COL22A1: variants seen among roughly 807,000 people sequenced by gnomAD.
COL22A1 encodes collagen alpha-1(XXII) chain.
Under a neutral mutation model 248.9 loss-of-function variants are expected in COL22A1, and 221 were observed. The observed-to-expected ratio is 0.89, with a 90% CI of 0.80 to 0.99. The LOEUF (loss-of-function observed/expected upper bound fraction) is 0.99. Ranked by LOEUF, COL22A1 falls within the 50% of genes least tolerant of loss-of-function variation. The pLI is 0.00. For synonymous variants in COL22A1, 891 were observed against 793.4 expected (o/e 1.12, Z -2.07); for missense variants, 2,240 against 2,179.0 (o/e 1.03, Z -0.56).
At chr8:138,863,248 C>T (rs938055129) in intron 3 of COL22A1, among the ~76,000 whole-genome samples, 7 of 152,326 alleles carry the variant, frequency 4.6e-5, no homozygotes, top group African/African-American at 1.4e-4. Flanking sequence ...CTTGGACATG[C>T]CTCAGCCCAG....
At chr8:138,913,226 T>C (rs916602326) in intron 1 of COL22A1, among the ~76,000 whole-genome samples, 23 of 151,982 alleles carry the variant, frequency 1.5e-4, no homozygotes, top group African/African-American at 5.6e-4. Flanking sequence ...ACTGCAAACT[T>C]CTTACTTGAA....
chr8:138,650,142 A>G (rs1362912373), intron 45 of COL22A1, among the ~76,000 whole-genome samples: 1 of 152,222 alleles, frequency 6.6e-6, no homozygotes, highest in Non-Finnish European at 1.5e-5. Flanking sequence ...TAATACAAAC[A>G]TTTAGTATTA....
At position 138,862,491 on chromosome 8, in the gene COL22A1, A is replaced by G. The variant is rs190005282; in HGVS notation, c.658+15259T>C. Among the ~76,000 whole-genome samples, 561 of 152,074 alleles carry G rather than the reference A, an allele frequency of 3.7e-3. 1 individual carries two copies. Among genetic ancestry groups the G allele is most frequent in the African/African-American group, 0.013 (543 of 41,482 alleles). On this transcript the variant is annotated intron_variant, in intron 3 of 64. Transcript: ENST00000303045. ...GTGCCCTTTGCCTGGCTGTGTCCTC[A>G]GAAGGGTCCCTTAATTCCCTGACCT... is the stretch of plus-strand genomic sequence containing the variant.
At chr8:138,814,103 C>T (rs1398207274) in intron 7 of COL22A1, among the ~76,000 whole-genome samples, 1 of 152,234 alleles carries the variant, frequency 6.6e-6, no homozygotes, top group Non-Finnish European at 1.5e-5. Flanking sequence ...TGGGACACCC[C>T]ACCTGCCAGG....
chr8:138,667,999 T>TAA lies in COL22A1; in HGVS notation c.3151-4261_3151-4260dup, dbSNP rs78973729. Among the ~76,000 whole-genome samples, 301 of 143,712 alleles carry TAA rather than the reference T, an allele frequency of 2.1e-3. 1 individual carries two copies. Among genetic ancestry groups the TAA allele is most frequent in the African/African-American group, 7.1e-3 (281 of 39,528 alleles). The allele number at this position is 143,712 out of a possible 152,430, so 94.3% of individuals were successfully genotyped here. A position where few individuals can be genotyped will look rare whatever the true frequency, so the allele number is the denominator to read the frequency against. ...CAGATGGTGGAAAATTCTATCAGAC[T>TAA]AAAAAAAAAAAAATTTGAAACATCC... On this transcript the variant is annotated intron_variant, in intron 41 of 64. Transcript: ENST00000303045.
At chr8:138,785,017 G>A (rs376593200) in intron 12 of COL22A1, among the ~76,000 whole-genome samples, 35 of 152,198 alleles carry the variant, frequency 2.3e-4, no homozygotes, top group African/African-American at 8.4e-4. Flanking sequence ...CCCTACCTTC[G>A]GGCACACTGG....
intron 30 of COL22A1, among the ~76,000 whole-genome samples, chr8:138,707,920 G>T (rs371309860): frequency 4.6e-5 from 7 of 152,092 alleles, no homozygotes; most frequent in South Asian, 2.1e-4. Context: ...CTTAAGCTGA[G>T]AAGCAACTTC....
At chr8:138,795,288 C>T (rs1343426407) in intron 12 of COL22A1, among the ~76,000 whole-genome samples, 1 of 152,146 alleles carries the variant, frequency 6.6e-6, no homozygotes, top group Admixed American at 6.5e-5. Context: ...GGTCGTACCA[C>T]TTAAGTTATG....
intron 40 of COL22A1, among the ~76,000 whole-genome samples, chr8:138,679,387 C>T (rs1178908711): frequency 1.3e-5 from 2 of 152,176 alleles, no homozygotes; most frequent in African/African-American, 4.8e-5. Context: ...CCATTGCAAG[C>T]TAAGTCATGT....
intron 56 of COL22A1, among the ~76,000 whole-genome samples, chr8:138,610,934 T>G (rs375036494): frequency 2.5e-4 from 38 of 152,066 alleles, no homozygotes; most frequent in African/African-American, 8.9e-4. Flanking sequence ...GGCATGGTGG[T>G]ATGCACTTGT....
chr8:138,766,993 G>A (rs1833960402), intron 16 of COL22A1, among the ~76,000 whole-genome samples: 1 of 152,160 alleles, frequency 6.6e-6, no homozygotes. Flanking sequence ...GGGGTAGAGG[G>A]GACATGGGTG....
intron 41 of COL22A1, among the ~76,000 whole-genome samples, chr8:138,675,653 A>G (rs766262193): frequency 1.3e-5 from 2 of 152,212 alleles, no homozygotes; most frequent in African/African-American, 4.8e-5. Context: ...AAGGTGCATT[A>G]AGAGGGTATG....
At chr8:138,856,315 G>GC (rs1361711638) in intron 3 of COL22A1, among the ~76,000 whole-genome samples, 1 of 152,202 alleles carries the variant, frequency 6.6e-6, no homozygotes, top group Non-Finnish European at 1.5e-5. Flanking sequence ...AGGTACATGT[G>GC]CCCCTGTGTG....
chr8:138,664,382 T>C (rs1824312030), intron 41 of COL22A1, among the ~76,000 whole-genome samples: 1 of 152,082 alleles, frequency 6.6e-6, no homozygotes, highest in African/African-American at 2.4e-5. Flanking sequence ...GGCATTCACA[T>C]GCATTTCCAA....
At chr8:138,621,695 T>C (rs996661946) in intron 52 of COL22A1, among the ~76,000 whole-genome samples, 2 of 152,210 alleles carry the variant, frequency 1.3e-5, no homozygotes, top group African/African-American at 4.8e-5. Context: ...TGTGCCTTAG[T>C]TTCCTCATCT....
chr8:138,792,211 G>A (rs180988266), intron 12 of COL22A1, among the ~76,000 whole-genome samples: 24 of 152,194 alleles, frequency 1.6e-4, no homozygotes, highest in Non-Finnish European at 2.8e-4. Context: ...GTCTCTTCAG[G>A]ACCCAACACT....
At chr8:138,842,885 A>G (rs1820989435) in intron 4 of COL22A1, among the ~76,000 whole-genome samples, 1 of 152,194 alleles carries the variant, frequency 6.6e-6, no homozygotes, top group African/African-American at 2.4e-5. Flanking sequence ...TTTCCTCTGA[A>G]AGTGCCAGTA....
intron 36 of COL22A1, among the ~76,000 whole-genome samples, chr8:138,689,992 AT>A (rs1201659026): frequency 6.6e-6 from 1 of 152,144 alleles, no homozygotes; most frequent in Non-Finnish European, 1.5e-5. Flanking sequence ...TAAAATAATA[AT>A]ATTCCTCCAG....
intron 3 of COL22A1, among the ~76,000 whole-genome samples, chr8:138,868,014 T>C (rs553304777): frequency 8.9e-4 from 135 of 152,264 alleles, no homozygotes; most frequent in African/African-American, 2.8e-3. Context: ...CTGCCCACCT[T>C]AGCCTCCCAA....
Sources: allele counts gnomAD v4.1 joint callset (sites outside exome capture counted in the v4.1 genomes callset), GRCh38; gene constraint gnomAD v4.1.1; transcripts MANE v1.5; gene names NCBI Gene and HGNC (gene_info 2026-07-23, HGNC 2026-07-21).